Variants in CHD1L observed in about 807,000 individuals in gnomAD.
CHD1L encodes the protein chromodomain helicase DNA binding protein 1 like.
In CHD1L, 118 loss-of-function variants were observed where a neutral mutation model predicts 115.9. The observed-to-expected ratio is 1.02, with a 90% confidence interval of 0.88 to 1.19. The LOEUF (loss-of-function observed/expected upper bound fraction) is 1.19. CHD1L is among the 50% of genes most tolerant of loss of function. The pLI, the probability that CHD1L is intolerant of heterozygous loss-of-function variation, is 0.00. For synonymous variants in CHD1L, 411 were observed against 387.1 expected (o/e 1.06, Z -0.72); for missense variants, 1,179 against 1,065.3 (o/e 1.11, Z -1.49).
the CHD1L span, chr1:147,225,456 G>C: frequency 1.2e-5 from 2 of 167,242 alleles, no homozygotes; most frequent in African/African-American, 2.4e-5. Flanking sequence ...CCCACTCAGC[G>C]GCACCCATTC....
chr1:147,208,738 C>T, the CHD1L span: 1 of 836,410 alleles, frequency 1.2e-6, no homozygotes, highest in Non-Finnish European at 1.9e-6. Context: ...CATGCCCAGC[C>T]ACTGTGGGTT....
At chr1:147,261,266 C>G (rs1553943932) in intron 6 of CHD1L, among the ~76,000 whole-genome samples, 2 of 152,148 alleles carry the variant, frequency 1.3e-5, no homozygotes, top group Non-Finnish European at 1.5e-5. Flanking sequence ...TTATTTATCA[C>G]CGTTCTAGAG....
At chr1:147,213,219 A>G in the CHD1L span, 22 of 1,055,162 alleles carry the variant, frequency 2.1e-5, no homozygotes, top group African/African-American at 3.6e-4. Flanking sequence ...ATTCCAAAGT[A>G]GGAATTACTC....
the CHD1L span, among the ~76,000 whole-genome samples, chr1:147,233,728 C>T: frequency 2.6e-5 from 4 of 151,978 alleles, no homozygotes; most frequent in Admixed American, 2.6e-4. Context: ...ACATGGGAGA[C>T]TTTTCATTTT....
chr1:147,289,508 A>G (rs587739581), intron 19 of CHD1L, among the ~76,000 whole-genome samples: 1 of 152,284 alleles, frequency 6.6e-6, no homozygotes, highest in East Asian at 1.9e-4. Flanking sequence ...GAGAGTGGGA[A>G]GCTCAGACTT....
intron 1 of CHD1L, among the ~76,000 whole-genome samples, chr1:147,249,220 C>T (rs948458611): frequency 1.3e-4 from 20 of 151,930 alleles, no homozygotes; most frequent in African/African-American, 3.9e-4. Context: ...TCTTTTCTTT[C>T]GATATTTGAA....
At chr1:147,218,620 G>T in the CHD1L span, among the ~76,000 whole-genome samples, 1 of 152,142 alleles carries the variant, frequency 6.6e-6, no homozygotes, top group African/African-American at 2.4e-5. Context: ...CTGCTTAATA[G>T]TTTCTCTTGA....
chr1:147,280,463 A>G (rs982719458), intron 15 of CHD1L, among the ~76,000 whole-genome samples: 2 of 152,202 alleles, frequency 1.3e-5, no homozygotes, highest in Non-Finnish European at 2.9e-5. Flanking sequence ...TTGAATTTGT[A>G]CCTTTTCTCC....
the CHD1L span, chr1:147,179,232 C>T: frequency 3.1e-6 from 5 of 1,612,772 alleles, no homozygotes; most frequent in East Asian, 4.5e-5. Flanking sequence ...TCCCAGAGAG[C>T]AATGATGGGC....
the CHD1L span, chr1:147,213,395 C>T: frequency 1.9e-6 from 3 of 1,613,740 alleles, no homozygotes; most frequent in Non-Finnish European, 2.5e-6. Flanking sequence ...TCCTTTTTCC[C>T]TTCAGATTCA....
chr1:147,237,612 T>C, the CHD1L span, among the ~76,000 whole-genome samples: 1 of 152,142 alleles, frequency 6.6e-6, no homozygotes, highest in Non-Finnish European at 1.5e-5. Flanking sequence ...GCAGCCCTGG[T>C]GTGCCACCCC....
the CHD1L span, among the ~76,000 whole-genome samples, chr1:147,234,130 G>A: frequency 3.3e-5 from 5 of 152,180 alleles, no homozygotes; most frequent in African/African-American, 1.2e-4. Context: ...CGTCACAGCT[G>A]TAGATCATGA....
At position 147,281,248 on chromosome 1, in the gene CHD1L, C is replaced by A. The variant is rs146676533; in HGVS notation, c.1705+1057C>A. ...ACTCAGACCTATCCTCATTATTTTC[C>A]CACTTGGAATGGGACTGTCTTTTGT... On this transcript the variant is annotated intron_variant, in intron 15 of 22. Transcript: ENST00000369258. Among the ~76,000 whole-genome samples, 3 of 152,258 alleles carry A rather than the reference C, an allele frequency of 2.0e-5. No individual in the cohort carries two copies. In the East Asian group the frequency reaches 5.8e-4, roughly 29 times the overall value.
At chr1:147,191,232 A>G in the CHD1L span, among the ~76,000 whole-genome samples, 1 of 152,126 alleles carries the variant, frequency 6.6e-6, no homozygotes, top group Non-Finnish European at 1.5e-5. Flanking sequence ...TGGTACTTCC[A>G]GTTCTAGATT....
the CHD1L span, chr1:147,179,024 G>C: frequency 1.2e-6 from 2 of 1,613,478 alleles, no homozygotes; most frequent in Non-Finnish European, 1.7e-6. Flanking sequence ...GTAGCTAGCC[G>C]CAAAACCTTT....
intron 14 of CHD1L, among the ~76,000 whole-genome samples, chr1:147,277,204 CTA>C (rs1678839802): frequency 6.6e-6 from 1 of 151,964 alleles, no homozygotes; most frequent in African/African-American, 2.4e-5. Context: ...TATAAACAAA[CTA>C]TTGTTAGAGG....
chr1:147,241,585 G>C (rs902606058), upstream of CHD1L, among the ~76,000 whole-genome samples: 2 of 152,064 alleles, frequency 1.3e-5, no homozygotes, highest in Admixed American at 1.3e-4. Flanking sequence ...CTCTTCACAC[G>C]GACGCGCATG....
chr1:147,227,680 G>A, the CHD1L span, among the ~76,000 whole-genome samples: 1 of 152,198 alleles, frequency 6.6e-6, no homozygotes, highest in Admixed American at 6.5e-5. Flanking sequence ...AATATTATGA[G>A]TGAGAAATAA....
At chr1:147,290,552 CAA>C (rs1449488862) in intron 19 of CHD1L, among the ~76,000 whole-genome samples, 1 of 152,206 alleles carries the variant, frequency 6.6e-6, no homozygotes, top group Non-Finnish European at 1.5e-5. Context: ...GGCCCTTGTG[CAA>C]GGTCATGGGT....
Sources: gnomAD v4.1 joint callset for allele counts (sites outside exome capture counted in the v4.1 genomes callset) on GRCh38, gnomAD v4.1.1 for gene constraint, MANE v1.5 for transcripts, NCBI Gene and HGNC (gene_info 2026-07-23, HGNC 2026-07-21) for gene names.